The following BRINP1 variants were observed in gnomAD, a reference collection of about 807,000 sequenced individuals.
BRINP1 encodes BMP/retinoic acid-inducible neural-specific protein 1.
Under a neutral mutation model 72.9 loss-of-function variants are expected in BRINP1, and 17 were observed. The observed-to-expected ratio is 0.23, with a 90% confidence interval of 0.16 to 0.35. The LOEUF (loss-of-function observed/expected upper bound fraction) is 0.35. Among genes scored for constraint, BRINP1 ranks in the 10% least tolerant of loss-of-function variants. BRINP1 has a pLI of 1.00. For synonymous variants in BRINP1, 418 were observed against 378.5 expected (o/e 1.10, Z -1.21); for missense variants, 850 against 1,001.6 (o/e 0.85, Z 2.04).
At chr9:119,327,483 C>A (rs969283746) in intron 1 of BRINP1, among the ~76,000 whole-genome samples, 3 of 152,182 alleles carry the variant, frequency 2.0e-5, no homozygotes, top group African/African-American at 7.2e-5. Context: ...TCCATGGGAT[C>A]ACAGGGAACC....
Position 119,369,081 on chromosome 9 carries a change from G to A in BRINP1, c.-76C>T. ...CTGGAGTCAATGTCCGTCTTTGGCG[G>A]AGAGCTGCGGGAGGACGCTTTTTAT... On this transcript the variant is annotated 5_prime_UTR_variant, in exon 1 of 8. Transcript: ENST00000265922. 1 of 397,120 alleles carries A rather than the reference G, an allele frequency of 2.5e-6. No homozygotes were observed. 24.6% of individuals were successfully genotyped at this position (397,120 alleles called of 1,614,324 possible). A position where few individuals can be genotyped will look rare whatever the true frequency, so the allele number is the denominator to read the frequency against.
intron 2 of BRINP1, among the ~76,000 whole-genome samples, chr9:119,283,693 C>T (rs112420183): frequency 6.6e-6 from 1 of 152,104 alleles, no homozygotes; most frequent in Non-Finnish European, 1.5e-5. Context: ...CCACCACAAC[C>T]GGCTAATTTT....
intron 2 of BRINP1, among the ~76,000 whole-genome samples, chr9:119,260,779 A>G (rs1382951211): frequency 1.3e-5 from 2 of 152,212 alleles, no homozygotes; most frequent in Non-Finnish European, 2.9e-5. Flanking sequence ...TTTGATGATT[A>G]AACAAGGTAA....
chr9:119,351,818 ATT>A (rs61335544), intron 1 of BRINP1, among the ~76,000 whole-genome samples: 5 of 150,142 alleles, frequency 3.3e-5, no homozygotes, highest in Non-Finnish European at 7.4e-5. Context: ...TTATTTTTTT[ATT>A]TTTTTTTTAT....
chr9:119,251,084 A>G (rs954404685), intron 2 of BRINP1, among the ~76,000 whole-genome samples: 2 of 152,226 alleles, frequency 1.3e-5, no homozygotes, highest in African/African-American at 4.8e-5. Context: ...TTCAGAGATC[A>G]TGGTCTGTGT....
At chr9:119,220,585 CAG>C (rs1830030282) in intron 5 of BRINP1, among the ~76,000 whole-genome samples, 1 of 151,684 alleles carries the variant, frequency 6.6e-6, no homozygotes, top group South Asian at 2.1e-4. Context: ...CCTAAAGAAA[CAG>C]AGAGGTTACT....
At chr9:119,325,556 A>G (rs959436999) in intron 1 of BRINP1, among the ~76,000 whole-genome samples, 3 of 151,794 alleles carry the variant, frequency 2.0e-5, no homozygotes, top group African/African-American at 7.3e-5. Flanking sequence ...TGCCTTACAC[A>G]CTTCTTTTTT....
At chr9:119,280,416 T>G (rs1164669327) in intron 2 of BRINP1, among the ~76,000 whole-genome samples, 1 of 151,550 alleles carries the variant, frequency 6.6e-6, no homozygotes, top group African/African-American at 2.4e-5. Flanking sequence ...TTTTTTTTTT[T>G]TGTATTTTTA....
At position 119,361,597 on chromosome 9, in the gene BRINP1, TC is replaced by T. The variant is rs1374572184; in HGVS notation, c.-51+7458del. On this transcript the variant is annotated intron_variant, in intron 1 of 7. Coordinates refer to ENST00000265922, the MANE Select transcript of BRINP1 (RefSeq NM_014618.3). Reference sequence around the variant, plus strand: ...TCTCTCTGCTTTTACAAGAACTTTGTCATGCAACATATTCTTCTTCTTCTTT... The same window carrying T: ...TCTCTCTGCTTTTACAAGAACTTTGTATGCAACATATTCTTCTTCTTCTTT... 2.0e-5 allele frequency among the ~76,000 whole-genome samples: 3 copies of T among 151,210 alleles called. No homozygotes were observed. In the South Asian group the frequency reaches 6.3e-4, roughly 32 times the overall value.
Position 119,182,990 on chromosome 9 carries a change from A to G in BRINP1, c.1146-14766T>C, listed in dbSNP as rs140247155. Among the ~76,000 whole-genome samples, 48 of 152,356 alleles carry G rather than the reference A, an allele frequency of 3.2e-4. No individual in the cohort carries two copies. In the East Asian group the frequency reaches 7.3e-3, roughly 23 times the overall value. On this transcript the variant is annotated intron_variant, in intron 7 of 7. Transcript: ENST00000265922. ...CTCAGCAGGATGGCAAAATAAAATTAGAATACAAAATTAAAAAGAAGGTAA... is the reference window on the plus strand; with the variant it reads ...CTCAGCAGGATGGCAAAATAAAATTGGAATACAAAATTAAAAAGAAGGTAA...
chr9:119,350,528 T>A (rs1831496682), intron 1 of BRINP1, among the ~76,000 whole-genome samples: 1 of 152,104 alleles, frequency 6.6e-6, no homozygotes, highest in Non-Finnish European at 1.5e-5. Flanking sequence ...GCTGGATGAC[T>A]CAGGTATCAG....
intron 4 of BRINP1, among the ~76,000 whole-genome samples, chr9:119,239,891 CTTACCAA>C (rs1830230477): frequency 6.6e-6 from 1 of 151,768 alleles, no homozygotes; most frequent in Non-Finnish European, 1.5e-5. Flanking sequence ...GAGAGTAAAA[CTTACCAA>C]TTTACTTTCC....
chr9:119,256,721 G>A (rs1386561141), intron 2 of BRINP1, among the ~76,000 whole-genome samples: 1 of 152,180 alleles, frequency 6.6e-6, no homozygotes, highest in East Asian at 1.9e-4. Context: ...GTGGGGCAGT[G>A]ACAATTTCTG....
chr9:119,256,808 T>G (rs570934192), intron 2 of BRINP1, among the ~76,000 whole-genome samples: 1 of 152,192 alleles, frequency 6.6e-6, no homozygotes, highest in Non-Finnish European at 1.5e-5. Context: ...GTTTCCTCCA[T>G]TGTTTTTAGA....
intron 2 of BRINP1, among the ~76,000 whole-genome samples, chr9:119,292,816 T>G (rs902267230): frequency 8.5e-5 from 13 of 152,238 alleles, no homozygotes; most frequent in Admixed American, 7.9e-4. Flanking sequence ...TTATTGTTGC[T>G]GCTTGTATGT....
At chr9:119,182,620 A>G (rs1829570225) in intron 7 of BRINP1, among the ~76,000 whole-genome samples, 1 of 152,216 alleles carries the variant, frequency 6.6e-6, no homozygotes, top group Non-Finnish European at 1.5e-5. Flanking sequence ...CTCTTCCAAC[A>G]TGTGAAGACA....
At chr9:119,221,364 T>C (rs1172162902) in intron 5 of BRINP1, among the ~76,000 whole-genome samples, 1 of 152,114 alleles carries the variant, frequency 6.6e-6, no homozygotes, top group East Asian at 1.9e-4. Context: ...ACTTTATGGC[T>C]CCAACAGCCA....
chr9:119,257,156 A>T lies in BRINP1; in HGVS notation c.219-8006T>A, dbSNP rs145937146. Among the ~76,000 whole-genome samples the T allele has an allele frequency of 5.7e-3, 863 of 152,338 alleles. 11 individuals are homozygous for T. Among genetic ancestry groups the T allele is most frequent in the African/African-American group, 0.02 (814 of 41,576 alleles). On this transcript the variant is annotated intron_variant, in intron 2 of 7. Transcript: ENST00000265922. ...AGCCAAAAGCCATACAGTCAGAAAG[A>T]CAGCAGAGTAGTTGTTCAAAGTTAT...
At chr9:119,220,235 T>C (rs1003030179) in intron 5 of BRINP1, among the ~76,000 whole-genome samples, 1 of 152,116 alleles carries the variant, frequency 6.6e-6, no homozygotes, top group Non-Finnish European at 1.5e-5. Flanking sequence ...TTTCAACCAC[T>C]GGGAGTACTC....
Sources: gnomAD v4.1 joint callset for allele counts (sites outside exome capture counted in the v4.1 genomes callset) on GRCh38, gnomAD v4.1.1 for gene constraint, MANE v1.5 for transcripts, NCBI Gene and HGNC (gene_info 2026-07-23, HGNC 2026-07-21) for gene names.